RIOK1: variants seen among roughly 807,000 people sequenced by gnomAD.
RIOK1 encodes the protein serine/threonine-protein kinase RIO1.
In RIOK1, 66 loss-of-function variants were observed where a neutral mutation model predicts 73.5. The observed-to-expected ratio is 0.90, with a 90% CI of 0.74 to 1.10. The LOEUF (loss-of-function observed/expected upper bound fraction) is 1.10. Among genes scored for constraint, RIOK1 ranks in the 50% least tolerant of loss-of-function variants. RIOK1 has a pLI of 0.00. For missense variants in RIOK1, 658 were observed against 699.8 expected (o/e 0.94, Z 0.67); for synonymous variants, 224 against 226.8 (o/e 0.99, Z 0.11).
At position 7,395,374 on chromosome 6, in the gene RIOK1, G is replaced by T. The variant is rs552550114; in HGVS notation, c.367+231G>T. Among the ~76,000 whole-genome samples, 157 of 152,182 alleles carry T rather than the reference G, an allele frequency of 1.0e-3. 1 individual carries two copies. Among genetic ancestry groups the T allele is most frequent in the African/African-American group, 3.7e-3 (153 of 41,530 alleles). ...ACTAAAAATACAAAATTAGCTGGGC[G>T]TGGTGGCACATGCCTGTAATCCCAG... On this transcript the variant is annotated intron_variant, in intron 3 of 16. Transcript: ENST00000379834.
intron 15 of RIOK1, among the ~76,000 whole-genome samples, chr6:7,413,968 AAGG>A (rs1420125602): frequency 6.6e-6 from 1 of 152,184 alleles, no homozygotes; most frequent in Non-Finnish European, 1.5e-5. Flanking sequence ...TAGCTGAAAG[AAGG>A]AGAACAGCTC....
chr6:7,410,491 G>A, intron 13 of RIOK1, 40 bp downstream of exon 13: 1 of 1,389,908 alleles, frequency 7.2e-7, no homozygotes, highest in Non-Finnish European at 1.0e-6. Flanking sequence ...GGAAACACTT[G>A]TGTTTTGAGG....
At chr6:7,407,276 G>A (rs1761770404) in intron 12 of RIOK1, among the ~76,000 whole-genome samples, 3 of 152,054 alleles carry the variant, frequency 2.0e-5, no homozygotes, top group South Asian at 4.2e-4. Context: ...GGTTTTAATC[G>A]CTCCACATCC....
intron 14 of RIOK1, 69 bp from the exon 15 acceptor site, chr6:7,412,820 G>A: frequency 2.8e-6 from 2 of 719,994 alleles, no homozygotes; most frequent in Non-Finnish European, 4.5e-6. Flanking sequence ...TCTTAATAGT[G>A]CAATATGCAT....
intron 4 of RIOK1, among the ~76,000 whole-genome samples, 157 bp downstream of exon 4, chr6:7,396,929 G>T (rs1761490663): frequency 1.4e-5 from 2 of 138,128 alleles, no homozygotes; most frequent in African/African-American, 5.2e-5. Context: ...GTTTTCCTTA[G>T]CTTAAATTAG....
At chr6:7,404,782 A>T in intron 10 of RIOK1, 136 bp from the exon 11 acceptor site, 1 of 883,496 alleles carries the variant, frequency 1.1e-6, no homozygotes, top group Non-Finnish European at 1.7e-6. Context: ...TCCATCTGTT[A>T]GTCAAGATTG....
Position 7,397,405 on chromosome 6 carries a change from T to C in RIOK1, c.437+633T>C, listed in dbSNP as rs529526946. 2.0e-5 allele frequency among the ~76,000 whole-genome samples: 3 copies of C among 152,336 alleles called. No individual in the cohort carries two copies. The South Asian group carries it at 6.2e-4, about 32-fold the overall frequency. Reference sequence around the variant, plus strand: ...TTTAAACTAAAATGTGCAAAAATGTTCCCTTAAAATTTATTAAGAATTATT... The same window carrying C: ...TTTAAACTAAAATGTGCAAAAATGTCCCCTTAAAATTTATTAAGAATTATT... On this transcript the variant is annotated intron_variant, in intron 4 of 16. Coordinates refer to ENST00000379834, the MANE Select transcript of RIOK1 (RefSeq NM_031480.3).
intron 12 of RIOK1, among the ~76,000 whole-genome samples, chr6:7,409,204 C>T (rs1761824668): frequency 6.8e-6 from 1 of 148,026 alleles, no homozygotes; most frequent in Non-Finnish European, 1.5e-5. Context: ...CACCACCACT[C>T]CCGACTAATT....
intron 12 of RIOK1, among the ~76,000 whole-genome samples, chr6:7,409,487 C>T (rs1761834268): frequency 6.6e-6 from 1 of 151,794 alleles, no homozygotes; most frequent in African/African-American, 2.4e-5. Flanking sequence ...CTCCTGATCT[C>T]ATGATCCAGC....
Position 7,403,917 on chromosome 6 carries a change from CTT to C in RIOK1, c.768-21_768-20del. The C allele has an allele frequency of 2.6e-6, 4 of 1,560,496 alleles. No individual in the cohort carries two copies. In the South Asian group the frequency reaches 4.5e-5, roughly 18 times the overall value. ...ATGCCTTTTCAACTTTTCAGTTGTC[CTT>C]TTATTTGTTATAATATCACAGGCTA... On this transcript the variant is annotated intron_variant, in intron 8 of 16. Coordinates refer to ENST00000379834, the MANE Select transcript of RIOK1 (RefSeq NM_031480.3).
intron 4 of RIOK1, among the ~76,000 whole-genome samples, chr6:7,398,176 T>C (rs1412505027): frequency 6.6e-6 from 1 of 152,000 alleles, no homozygotes; most frequent in African/African-American, 2.4e-5. Context: ...CAAAAAAACT[T>C]GTATCTTCTT....
At chr6:7,411,475 G>T in intron 14 of RIOK1, 24 bp downstream of exon 14, 1 of 1,612,844 alleles carries the variant, frequency 6.2e-7, no homozygotes, top group South Asian at 1.1e-5. Context: ...TTTGTATATA[G>T]CAAGCAGCTC....
In RIOK1 at chr6:7,395,263, C is replaced by T. The variant is rs547590597; in HGVS notation, c.367+120C>T. The T allele has an allele frequency of 1.5e-4, 176 of 1,167,340 alleles. 2 individuals carry two copies. The highest frequency in any genetic ancestry group is 2.0e-4 in the Non-Finnish European group (164 of 820,624). The allele number at this position is 1,167,340 out of a possible 1,614,324, so 72.3% of individuals were successfully genotyped here. A position where few individuals can be genotyped will look rare whatever the true frequency, so the allele number is the denominator to read the frequency against. Reference sequence around the variant, plus strand: ...CCGTGGTGGCTCACGCCTGTAATCCCGGCACTTTGGGAGGCTGAAGTGGGT... The same window carrying T: ...CCGTGGTGGCTCACGCCTGTAATCCTGGCACTTTGGGAGGCTGAAGTGGGT... On this transcript the variant is annotated intron_variant, in intron 3 of 16. Transcript: ENST00000379834.
chr6:7,402,668 T>C lies in RIOK1; in HGVS notation c.639T>C (p.Ser213=). The C allele has an allele frequency of 6.2e-7, 1 of 1,612,758 alleles. No individual in the cohort carries two copies. Among genetic ancestry groups the C allele is most frequent in the African/African-American group, 1.3e-5 (1 of 75,018 alleles). ...GAGCAATCAAAATTTATAAAACTTCTATTTTGGTGTTCAAAGATCGGGATA... is the reference window on the plus strand; with the variant it reads ...GAGCAATCAAAATTTATAAAACTTCCATTTTGGTGTTCAAAGATCGGGATA... ...ESRAIKIYKT[S]ILVFKDRDKY... The change falls in exon 7 of 17, where the codon TCT becomes TCC. Residue 213 remains serine (S), a synonymous_variant. Transcript: ENST00000379834.
chr6:7,414,748 T>TC (rs958879794), intron 16 of RIOK1, among the ~76,000 whole-genome samples: 1 of 152,192 alleles, frequency 6.6e-6, no homozygotes, highest in African/African-American at 2.4e-5. Context: ...CATATAATAG[T>TC]CCCCCCATCC....
intron 15 of RIOK1, 118 bp downstream of exon 15, chr6:7,413,060 T>A: frequency 1.9e-6 from 1 of 519,874 alleles, no homozygotes; most frequent in Non-Finnish European, 3.3e-6. Flanking sequence ...TTATTTTATA[T>A]TGTTAAAATG....
At chr6:7,401,317 A>T (rs984321089) in intron 6 of RIOK1, among the ~76,000 whole-genome samples, 2 of 152,092 alleles carry the variant, frequency 1.3e-5, no homozygotes, top group Non-Finnish European at 2.9e-5. Flanking sequence ...AAAATAAATT[A>T]CTCATGGGGC....
At chr6:7,399,908 C>G (rs12196791) in intron 5 of RIOK1, among the ~76,000 whole-genome samples, 67,145 of 152,116 alleles carry the variant, frequency 0.44, 17,183 homozygotes, top group Middle Eastern at 0.59. Flanking sequence ...GTGACCCCAG[C>G]CACTTCATTG....
chr6:7,396,751 C>G lies in RIOK1; in HGVS notation c.416C>G (p.Ser139Cys). 3 of 1,597,208 alleles carry G rather than the reference C, an allele frequency of 1.9e-6. No individual in the cohort carries two copies. The highest frequency in any genetic ancestry group is 1.7e-6 in the Non-Finnish European group (2 of 1,166,290). The change falls in exon 4 of 17, where the codon TCT becomes TGT. Residue 139 changes from serine to cysteine, a missense_variant. Physicochemically the swap from Ser to Cys is moderately radical, Grantham distance 112 (BLOSUM62 -1). Coordinates refer to ENST00000379834, the MANE Select transcript of RIOK1 (RefSeq NM_031480.3). Reference sequence around the variant, plus strand: ...GTCATAAATAAAGTCACCGAAAAGTCTAGACAAAAGGAAGCAGATATGTAA... The same window carrying G: ...GTCATAAATAAAGTCACCGAAAAGTGTAGACAAAAGGAAGCAGATATGTAA... ...DSVINKVTEK[S>C]RQKEADMYRI...
Sources: allele counts gnomAD v4.1 joint callset (sites outside exome capture counted in the v4.1 genomes callset), GRCh38; gene constraint gnomAD v4.1.1; transcripts MANE v1.5; gene names NCBI Gene and HGNC (gene_info 2026-07-23, HGNC 2026-07-21).